Variants in MXD3 observed in about 807,000 individuals in gnomAD.
MXD3 encodes MAX dimerization protein 3, also known as Max-associated protein 3.
A neutral mutation model predicts 27.5 loss-of-function variants in MXD3; 20 were observed. That is an observed-to-expected ratio of 0.73 (90% CI 0.51 to 1.06). The LOEUF (loss-of-function observed/expected upper bound fraction) is 1.06. MXD3 is among the 50% of genes least tolerant of loss of function. MXD3 has a pLI of 0.00. For missense variants in MXD3, 298 were observed against 291.3 expected (o/e 1.02, Z -0.17); for synonymous variants, 150 against 130.7 (o/e 1.15, Z -1.01).
At chr5:177,305,745 C>G, downstream of MXD3, 1 of 759,420 alleles carries the variant, frequency 1.3e-6, no homozygotes, top group Non-Finnish European at 2.2e-6. Flanking sequence ...CTTGGAGGTG[C>G]AGTCAGGGGA....
rs974714810 is a variant in MXD3, at chr5:177,311,604, C to G, written c.71-120G>C. The G allele has an allele frequency of 2.6e-6, 3 of 1,135,118 alleles. No individual in the cohort carries two copies. In the Admixed American group the frequency reaches 9.3e-5, roughly 35 times the overall value. 70.3% of individuals were successfully genotyped at this position (1,135,118 alleles called of 1,614,324 possible). On this transcript the variant is annotated intron_variant, in intron 1 of 5. Coordinates refer to ENST00000439742, the MANE Select transcript of MXD3 (RefSeq NM_031300.4). ...GCCAGGACCATTTCCCCCACCCGTC[C>G]CTGCTCTACCGCCCCGGGACTCCTC...
chr5:177,310,652 C>G lies in MXD3; in HGVS notation c.206+16G>C, dbSNP rs745635243. 1.9e-5 allele frequency: 30 copies of G among 1,614,080 alleles called. No homozygotes were observed. The highest frequency in any genetic ancestry group is 1.7e-6 in the Non-Finnish European group (2 of 1,180,026). ...CCCCTGGGGGCTGGCGCTGTCAGGG[C>G]AGGACTGGGACTCACCTGCGCTTCT... On this transcript the variant is annotated intron_variant, in intron 3 of 5. Coordinates refer to ENST00000439742, the MANE Select transcript of MXD3 (RefSeq NM_031300.4).
chr5:177,312,643 A>T, upstream of MXD3: 1 of 985,468 alleles, frequency 1.0e-6, no homozygotes, highest in South Asian at 4.7e-5. Flanking sequence ...AATGGGAATA[A>T]TATCTCGGCC....
chr5:177,310,361 C>T (rs1442725070), intron 4 of MXD3, 65 bp downstream of exon 4: 18 of 1,313,126 alleles, frequency 1.4e-5, no homozygotes, highest in Non-Finnish European at 1.8e-5. Context: ...GTCCCACCAG[C>T]CCCTCCATAG....
At chr5:177,306,654 A>G, downstream of MXD3, 2 of 1,520,070 alleles carry the variant, frequency 1.3e-6, no homozygotes, top group Non-Finnish European at 8.9e-7. Context: ...ATTAAAAATC[A>G]ACTTCCAGCC....
rs1481241588 is a variant in MXD3, at chr5:177,310,420, C to A, written c.321+6G>T. Reference sequence around the variant, plus strand: ...AAGCCAGTCCGGGCGCAGTGGGGGGCCTCACCTGGATGTGCATCCTGGCAC... The same window carrying A: ...AAGCCAGTCCGGGCGCAGTGGGGGGACTCACCTGGATGTGCATCCTGGCAC... On this transcript the variant is annotated splice_donor_region_variant and intron_variant, in intron 4 of 5. Coordinates refer to ENST00000439742, the MANE Select transcript of MXD3 (RefSeq NM_031300.4). 1 of 1,606,618 alleles carries A rather than the reference C, an allele frequency of 6.2e-7. No homozygotes were observed. Among genetic ancestry groups the A allele is most frequent in the Admixed American group, 1.7e-5 (1 of 59,678 alleles).
chr5:177,312,196 C>A, upstream of MXD3: 1 of 1,016,770 alleles, frequency 9.8e-7, no homozygotes, highest in Non-Finnish European at 1.2e-6. Context: ...CTTCCAGCCC[C>A]GTGCTAGTGA....
At chr5:177,312,266 C>G, upstream of MXD3, 1 of 985,980 alleles carries the variant, frequency 1.0e-6, no homozygotes. Flanking sequence ...AGCGCCGGGC[C>G]CAGCCGCTGC....
downstream of MXD3, chr5:177,306,236 G>A (rs746400035): frequency 1.6e-5 from 25 of 1,580,736 alleles, no homozygotes; most frequent in Admixed American, 8.3e-5. Context: ...CCTAGCGGGC[G>A]TGGAGTCTGG....
At chr5:177,311,294 T>G (rs1053252366) in intron 2 of MXD3, 85 bp downstream of exon 2, 9 of 914,166 alleles carry the variant, frequency 9.8e-6, no homozygotes, top group Non-Finnish European at 1.4e-5. Context: ...GCCCAAAAGA[T>G]GCAAGCAACA....
chr5:177,305,615 G>A, downstream of MXD3: 1 of 497,274 alleles, frequency 2.0e-6, no homozygotes, highest in Non-Finnish European at 3.6e-6. Context: ...AGCAGGATGG[G>A]CTGGAAGGCC....
upstream of MXD3, chr5:177,312,656 C>A: frequency 2.0e-6 from 2 of 985,482 alleles, no homozygotes; most frequent in African/African-American, 3.5e-5. Context: ...TCTCGGCCCC[C>A]CTCCTCTTCT....
rs147816686 is a variant in MXD3 at position 177,307,670 on chromosome 5, A to G, written c.539T>C (p.Phe180Ser). The change falls in exon 6 of 6, where the codon TTT (phenylalanine) becomes TCT (serine). Residue 180 changes from phenylalanine (F) to serine (S), a missense_variant. By Grantham distance (155) the Phe-to-Ser change is radical. Transcript: ENST00000439742. ...ELEVDVESLV[F>S]GGEAELLRGF... ...CCGCAGCAGCTCGGCCTCACCCCCA[A>G]ACACCAGGCTCTCCACATCCACCTC... 2 of 1,613,464 alleles carry G rather than the reference A, an allele frequency of 1.2e-6. No individual in the cohort carries two copies. The highest frequency in any genetic ancestry group is 2.7e-5 in the African/African-American group (2 of 74,898).
At chr5:177,310,978 T>C (rs1761020471) in intron 2 of MXD3, 2 of 580,954 alleles carry the variant, frequency 3.4e-6, no homozygotes, top group South Asian at 4.2e-5. Context: ...AGGTGACAGC[T>C]AACTGCGGAA....
chr5:177,305,575 T>C, downstream of MXD3: 1 of 385,932 alleles, frequency 2.6e-6, no homozygotes, highest in South Asian at 2.6e-5. Flanking sequence ...AAACACTGCA[T>C]GCGTCTAGAT....
At chr5:177,312,218 C>A, upstream of MXD3, 1 of 991,422 alleles carries the variant, frequency 1.0e-6, no homozygotes. Context: ...TAGCCCCCAA[C>A]ATAGCACGGC....
upstream of MXD3, chr5:177,312,696 T>G: frequency 1.0e-6 from 1 of 985,280 alleles, no homozygotes. Context: ...TACGAAAACG[T>G]CAGTGGGGTA....
At chr5:177,310,739 C>T (rs765090856) in intron 2 of MXD3, 42 bp from the exon 3 acceptor site, 27 of 1,611,172 alleles carry the variant, frequency 1.7e-5, no homozygotes, top group Admixed American at 3.3e-5. Flanking sequence ...GAATCAGCTA[C>T]TGCCCATGCC....
rs1750209060 is a variant in MXD3, at chr5:177,311,869, G to A, written c.-39C>T. On this transcript the variant is annotated 5_prime_UTR_variant, in exon 1 of 6. Transcript: ENST00000439742. ...GGCGGCGGGCCGGCCTAGGGTGCCG[G>A]CCGGAGCAAGCGGCTGCAGCACTTT... 3.1e-6 allele frequency: 5 copies of A among 1,597,414 alleles called. No individual in the cohort carries two copies. The highest frequency in any genetic ancestry group is 8.5e-7 in the Non-Finnish European group (1 of 1,172,834).
Sources: allele counts gnomAD v4.1 joint callset, GRCh38; gene constraint gnomAD v4.1.1; transcripts MANE v1.5; gene names NCBI Gene and HGNC (gene_info 2026-07-23, HGNC 2026-07-21).